The following FABP6 variants were observed in gnomAD, a reference collection of about 807,000 sequenced individuals.
The protein encoded by FABP6 is gastrotropin.
Under a neutral mutation model 14.9 loss-of-function variants are expected in FABP6, and 13 were observed. The ratio of observed to expected loss-of-function variants is 0.87; its 90% confidence interval spans 0.57 to 1.39. The LOEUF (loss-of-function observed/expected upper bound fraction) is 1.39, where lower values mean the gene tolerates loss of function less well. Ranked by LOEUF, FABP6 falls within the 40% of genes most tolerant of loss-of-function variation. The pLI is 0.00. For synonymous variants in FABP6, 75 were observed against 63.6 expected (o/e 1.18, Z -0.85); for missense variants, 161 against 167.2 (o/e 0.96, Z 0.20).
chr5:160,188,953 A>T (rs546964426), intron 1 of FABP6, among the ~76,000 whole-genome samples: 1 of 152,282 alleles, frequency 6.6e-6, no homozygotes, highest in East Asian at 1.9e-4. Context: ...GATTTACAGC[A>T]GGGCTCTGCA....
intron 3 of FABP6, among the ~76,000 whole-genome samples, chr5:160,215,144 C>A (rs1458468300): frequency 6.6e-6 from 1 of 152,194 alleles, no homozygotes; most frequent in Non-Finnish European, 1.5e-5. Flanking sequence ...ATTTTCCTAA[C>A]CTCACTGTCC....
upstream of FABP6, among the ~76,000 whole-genome samples, chr5:160,229,259 G>A (rs79709877): frequency 0.018 from 2,682 of 152,224 alleles, 31 homozygotes; most frequent in Non-Finnish European, 0.023. Flanking sequence ...ATGCGGGAAC[G>A]GAGGGAGAGA....
At chr5:160,235,824 C>G (rs1760502218) in intron 3 of FABP6, among the ~76,000 whole-genome samples, 1 of 152,086 alleles carries the variant, frequency 6.6e-6, no homozygotes, top group African/African-American at 2.4e-5. Context: ...ATCTCAAGCC[C>G]TGTCAAGAGG....
chr5:160,215,194 T>C (rs1348774143), intron 3 of FABP6, among the ~76,000 whole-genome samples: 2 of 152,212 alleles, frequency 1.3e-5, no homozygotes, highest in Non-Finnish European at 2.9e-5. Flanking sequence ...GATATGTCTG[T>C]ACAATGGATT....
chr5:160,225,105 T>G (rs201367599), upstream of FABP6, among the ~76,000 whole-genome samples: 6 of 141,768 alleles, frequency 4.2e-5, no homozygotes, highest in Admixed American at 1.4e-4. Context: ...TTTTTTTTTT[T>G]GTTTTTTTTG....
chr5:160,229,819 CTTTTTTATTTTATTT>C (rs1460442546), intron 1 of FABP6, among the ~76,000 whole-genome samples, 195 bp downstream of exon 1: 14 of 148,550 alleles, frequency 9.4e-5, no homozygotes, highest in Non-Finnish European at 2.1e-4. Flanking sequence ...CACTCTTTAA[CTTTTTTATTTTATTT>C]TATTTTATTT....
chr5:160,191,968 C>A (rs1759403276), intron 1 of FABP6, among the ~76,000 whole-genome samples: 1 of 151,026 alleles, frequency 6.6e-6, no homozygotes, highest in Non-Finnish European at 1.5e-5. Flanking sequence ...AGCGAGACTC[C>A]ATCTCAAAAA....
chr5:160,205,978 C>A (rs530348841), intron 2 of FABP6, among the ~76,000 whole-genome samples: 1 of 152,000 alleles, frequency 6.6e-6, no homozygotes, highest in Non-Finnish European at 1.5e-5. Flanking sequence ...TCTTTTCTTT[C>A]TTTTCTTTTT....
intron 1 of FABP6, among the ~76,000 whole-genome samples, chr5:160,193,989 G>A (rs1759456957): frequency 6.6e-6 from 1 of 152,244 alleles, no homozygotes; most frequent in African/African-American, 2.4e-5. Flanking sequence ...GGTGCCCACG[G>A]AGGCGGGGGA....
At chr5:160,214,502 C>CG (rs904622710) in intron 3 of FABP6, among the ~76,000 whole-genome samples, 3 of 150,928 alleles carry the variant, frequency 2.0e-5, no homozygotes, top group South Asian at 2.1e-4. Flanking sequence ...TTTGTAGAGA[C>CG]GGGGTCTCCC....
intron 3 of FABP6, among the ~76,000 whole-genome samples, chr5:160,235,270 G>A (rs182785668): frequency 6.6e-6 from 1 of 152,240 alleles, no homozygotes; most frequent in Non-Finnish European, 1.5e-5. Context: ...TAAAGGAGGT[G>A]GTCCAGGTGG....
upstream of FABP6, among the ~76,000 whole-genome samples, chr5:160,226,839 C>G (rs1457561950): frequency 2.0e-5 from 3 of 152,082 alleles, no homozygotes; most frequent in African/African-American, 7.2e-5. Context: ...CTCACATGCT[C>G]TAGGCGGGAG....
intron 2 of FABP6, among the ~76,000 whole-genome samples, chr5:160,209,070 C>G (rs983379757): frequency 1.3e-5 from 2 of 150,690 alleles, no homozygotes; most frequent in African/African-American, 4.9e-5. Context: ...GCCACTGCAC[C>G]CAGCAGGGAG....
intron 2 of FABP6, among the ~76,000 whole-genome samples, chr5:160,234,376 CTGACT>C (rs1561757531): frequency 1.0e-5 from 1 of 98,264 alleles, no homozygotes; most frequent in African/African-American, 4.1e-5. Flanking sequence ...TCTAAGAAAT[CTGACT>C]TTTTTTTTTT....
At chr5:160,192,323 G>A (rs4921260) in intron 1 of FABP6, among the ~76,000 whole-genome samples, 26,158 of 78,502 alleles carry the variant, frequency 0.33, 2,271 homozygotes, top group African/African-American at 0.37. Flanking sequence ...CACTGTGCCC[G>A]GCCTCGCCAG....
At chr5:160,214,412 A>C (rs973571928) in intron 3 of FABP6, among the ~76,000 whole-genome samples, 1 of 151,650 alleles carries the variant, frequency 6.6e-6, no homozygotes, top group East Asian at 2.0e-4. Flanking sequence ...CAGTCCTCTC[A>C]CCTCAGCCTC....
At chr5:160,217,653 T>A (rs961440553) in intron 3 of FABP6, among the ~76,000 whole-genome samples, 49 of 152,054 alleles carry the variant, frequency 3.2e-4, no homozygotes, top group Non-Finnish European at 6.6e-4. Flanking sequence ...TATTATTATT[T>A]TTGGACAGAA....
intron 1 of FABP6, among the ~76,000 whole-genome samples, chr5:160,190,883 C>A (rs1028321321): frequency 6.6e-6 from 1 of 151,396 alleles, no homozygotes; most frequent in African/African-American, 2.4e-5. Context: ...GAGGCCGAGG[C>A]GGGCGGATCA....
chr5:160,214,152 T>TTTCTTTCA (rs755078967), intron 3 of FABP6, among the ~76,000 whole-genome samples: 2,450 of 128,982 alleles, frequency 0.019, 154 homozygotes, highest in East Asian at 0.04. Context: ...TCTTTCTTTC[T>TTTCTTTCA]TTCTTTCCTT....
Sources: gnomAD v4.1 joint callset for allele counts (sites outside exome capture counted in the v4.1 genomes callset) on GRCh38, gnomAD v4.1.1 for gene constraint, MANE v1.5 for transcripts, NCBI Gene and HGNC (gene_info 2026-07-23, HGNC 2026-07-21) for gene names.